Variants in SSU72 observed in about 807,000 individuals in gnomAD.
The protein encoded by SSU72 is SSU72 homolog, RNA polymerase II CTD phosphatase.
Under a neutral mutation model 22.7 loss-of-function variants are expected in SSU72, and 12 were observed. The observed-to-expected ratio is 0.53, with a 90% confidence interval of 0.34 to 0.86. SSU72 has a LOEUF of 0.86. Among genes scored for constraint, SSU72 ranks in the 40% least tolerant of loss-of-function variants. The pLI, the probability that SSU72 is intolerant of heterozygous loss-of-function variation, is 0.02. For missense variants in SSU72, 151 were observed against 249.8 expected (o/e 0.60, Z 2.67); for synonymous variants, 116 against 98.3 (o/e 1.18, Z -1.06).
chr1:1,553,000 G>A (rs12408062), intron 2 of SSU72, among the ~76,000 whole-genome samples: 9,977 of 139,206 alleles, frequency 0.072, 498 homozygotes, highest in Admixed American at 0.19. Context: ...CAGCCTGGGC[G>A]ACAGAATGAG....
chr1:1,555,107 G>A (rs1218956917), intron 2 of SSU72, among the ~76,000 whole-genome samples: 2 of 152,164 alleles, frequency 1.3e-5, no homozygotes, highest in African/African-American at 4.8e-5. Flanking sequence ...CGGTAACTGA[G>A]TGACGGGACA....
Position 1,544,893 on chromosome 1 carries a change from C to A in SSU72, c.334G>T (p.Glu112Ter). The A allele has an allele frequency of 6.2e-7, 1 of 1,614,246 alleles. No individual in the cohort carries two copies. The highest frequency in any genetic ancestry group is 8.5e-7 in the Non-Finnish European group (1 of 1,180,052). Residue 112 changes from glutamate to a stop codon, truncating the protein, a stop_gained, in exon 3 of 5, where the codon GAA (glutamate) becomes TAA (stop). Coordinates refer to ENST00000291386, the MANE Select transcript of SSU72 (RefSeq NM_014188.3). LOFTEE classifies it high-confidence loss of function. Reference protein sequence around the residue: ...KDLFDLILTCEERVYDQVVED... With the variant: ...KDLFDLILTC ...ACCACCTGGTCATACACTCTCTCTTCGCAAGTGAGGATCAGATCAAACAGG... is the reference window on the plus strand; with the variant it reads ...ACCACCTGGTCATACACTCTCTCTTAGCAAGTGAGGATCAGATCAAACAGG...
rs71574349 is a variant in SSU72 at position 1,567,912 on chromosome 1, CAAAA to C, written c.81-3000_81-2997del. ...TGGGAAACAGAGCGATACTCTGTTTCAAAAAAAAAAAAAAAAATCGCACAAAGAA... is the reference window on the plus strand; with the variant it reads ...TGGGAAACAGAGCGATACTCTGTTTCAAAAAAAAAAAAATCGCACAAAGAA... On this transcript the variant is annotated intron_variant, in intron 1 of 4. Coordinates refer to ENST00000291386, the MANE Select transcript of SSU72 (RefSeq NM_014188.3). Among the ~76,000 whole-genome samples, 177 of 98,360 alleles carry C rather than the reference CAAAA, an allele frequency of 1.8e-3. 2 individuals are homozygous for C. Among genetic ancestry groups the C allele is most frequent in the East Asian group, 0.015 (52 of 3,480 alleles). 64.5% of individuals were successfully genotyped at this position (98,360 alleles called of 152,430 possible). A position where few individuals can be genotyped will look rare whatever the true frequency, so the allele number is the denominator to read the frequency against.
At chr1:1,557,366 T>C (rs1642534171) in intron 2 of SSU72, among the ~76,000 whole-genome samples, 1 of 151,630 alleles carries the variant, frequency 6.6e-6, no homozygotes, top group Admixed American at 6.6e-5. Context: ...TGAGCCGAGA[T>C]TGCACCACTG....
chr1:1,571,573 T>C (rs1002748965), intron 1 of SSU72, among the ~76,000 whole-genome samples: 9 of 152,184 alleles, frequency 5.9e-5, no homozygotes, highest in African/African-American at 2.2e-4. Flanking sequence ...TATGAGTAAA[T>C]TTGAATGATG....
chr1:1,556,319 G>A (rs527681475), intron 2 of SSU72, among the ~76,000 whole-genome samples: 2 of 152,192 alleles, frequency 1.3e-5, no homozygotes, highest in Non-Finnish European at 2.9e-5. Flanking sequence ...TGTAGTCCCA[G>A]CTACTTGGGA....
chr1:1,558,186 G>A (rs1192617546), intron 2 of SSU72, among the ~76,000 whole-genome samples: 2 of 140,966 alleles, frequency 1.4e-5, no homozygotes, highest in East Asian at 2.2e-4. Flanking sequence ...GGGCAACAGA[G>A]TGAGACTCTG....
At chr1:1,572,557 T>C (rs1230054126) in intron 1 of SSU72, among the ~76,000 whole-genome samples, 3 of 149,762 alleles carry the variant, frequency 2.0e-5, no homozygotes, top group African/African-American at 4.9e-5. Context: ...CCTGGGTTCA[T>C]GCCATTCTCC....
At chr1:1,544,488 C>T (rs1642367913) in intron 3 of SSU72, 1 of 300,764 alleles carries the variant, frequency 3.3e-6, no homozygotes, top group Non-Finnish European at 6.4e-6. Flanking sequence ...TGTGGTGGCA[C>T]ACGCCTGTAG....
rs557557867 is a variant in SSU72 at position 1,568,383 on chromosome 1, G to C, written c.81-3467C>G. Among the ~76,000 whole-genome samples the C allele has an allele frequency of 2.0e-5, 3 of 152,166 alleles. No individual in the cohort carries two copies. In the South Asian group the frequency reaches 6.2e-4, roughly 32 times the overall value. The stretch of plus-strand genomic sequence containing the variant: ...CAAGCAGGTGGATCACTTCAGCTCA[G>C]GAGTTTGAGACCAGCCTGGCCAACA... On this transcript the variant is annotated intron_variant, in intron 1 of 4. Coordinates refer to ENST00000291386, the MANE Select transcript of SSU72 (RefSeq NM_014188.3).
intron 1 of SSU72, among the ~76,000 whole-genome samples, chr1:1,570,542 C>A (rs529463252): frequency 6.1e-4 from 92 of 151,610 alleles, no homozygotes; most frequent in Non-Finnish European, 1.2e-3. Flanking sequence ...AGCGCCAATG[C>A]CACCAGTCTG....
chr1:1,573,302 T>G lies in SSU72; in HGVS notation c.80+1176A>C, dbSNP rs1570403620. On this transcript the variant is annotated intron_variant, in intron 1 of 4. Coordinates refer to ENST00000291386, the MANE Select transcript of SSU72 (RefSeq NM_014188.3). ...AAAATTAGCCGTGCCTGGTGGCCGG[T>G]GCCTGTAGTCCCAGCTACTCGGGAG... Among the ~76,000 whole-genome samples the G allele has an allele frequency of 2.7e-5, 4 of 148,500 alleles. 1 individual carries two copies. The South Asian group carries it at 8.5e-4, about 32-fold the overall frequency.
At chr1:1,565,564 A>C (rs1446368688) in intron 1 of SSU72, among the ~76,000 whole-genome samples, 1 of 152,240 alleles carries the variant, frequency 6.6e-6, no homozygotes, top group Non-Finnish European at 1.5e-5. Context: ...GGGACTCACA[A>C]AGGTCCAACT....
intron 2 of SSU72, among the ~76,000 whole-genome samples, chr1:1,551,591 G>T (rs753565993): frequency 2.2e-4 from 33 of 152,222 alleles, no homozygotes; most frequent in Non-Finnish European, 4.4e-5. Context: ...GGTCAGGGAG[G>T]GGGAGGCCTG....
At chr1:1,560,076 CA>C (rs1642569068) in intron 2 of SSU72, among the ~76,000 whole-genome samples, 1 of 152,154 alleles carries the variant, frequency 6.6e-6, no homozygotes, top group Non-Finnish European at 1.5e-5. Context: ...AGGTTGGTCT[CA>C]AACTCAACTC....
At chr1:1,546,993 G>A (rs995587276) in intron 2 of SSU72, among the ~76,000 whole-genome samples, 1 of 151,990 alleles carries the variant, frequency 6.6e-6, no homozygotes, top group Non-Finnish European at 1.5e-5. Context: ...TCGTGACACT[G>A]CACTCCAGCC....
Position 1,553,166 on chromosome 1 carries a change from C to T in SSU72, c.225-8164G>A, listed in dbSNP as rs187021088. Among the ~76,000 whole-genome samples, 550 of 152,186 alleles carry T rather than the reference C, an allele frequency of 3.6e-3. 3 individuals carry two copies. Among genetic ancestry groups the T allele is most frequent in the African/African-American group, 0.012 (485 of 41,508 alleles). On this transcript the variant is annotated intron_variant, in intron 2 of 4. Transcript: ENST00000291386. ...CTCTGCACTGTGGCCCCATGGTGTC[C>T]GGCTTCACTTGGACAGAAACCCTGG...
rs1038342383 is a variant in SSU72, at chr1:1,541,763, A to G, written c.*303T>C. 2 of 389,108 alleles carry G rather than the reference A, an allele frequency of 5.1e-6. No individual in the cohort carries two copies. The highest frequency in any genetic ancestry group is 9.7e-6 in the Non-Finnish European group (2 of 205,386). The allele number at this position is 389,108 out of a possible 1,614,324, so 24.1% of individuals were successfully genotyped here. A position where few individuals can be genotyped will look rare whatever the true frequency, so the allele number is the denominator to read the frequency against. ...CAGTCCGGCCCGGTGGGGAGGAGGG[A>G]GGGAAGGCAGGCACACGAAGACACA... On this transcript the variant is annotated 3_prime_UTR_variant, in exon 5 of 5. Transcript: ENST00000291386.
chr1:1,551,786 G>A (rs1032078289), intron 2 of SSU72, among the ~76,000 whole-genome samples: 4 of 152,204 alleles, frequency 2.6e-5, no homozygotes, highest in Admixed American at 6.5e-5. Context: ...ACGTCACATC[G>A]CCCCGAAGGC....
Sources: gnomAD v4.1 joint callset for allele counts (sites outside exome capture counted in the v4.1 genomes callset) on GRCh38, gnomAD v4.1.1 for gene constraint, MANE v1.5 for transcripts, NCBI Gene and HGNC (gene_info 2026-07-23, HGNC 2026-07-21) for gene names.